The following POLA1 variants were observed in gnomAD, a reference collection of about 807,000 sequenced individuals.
POLA1 encodes DNA polymerase alpha 1, catalytic subunit.
A neutral mutation model predicts 124.0 loss-of-function variants in POLA1; 15 were observed. The observed-to-expected ratio is 0.12, with a 90% CI of 0.08 to 0.19. POLA1 has a LOEUF of 0.19. POLA1 is among the 10% of genes least tolerant of loss of function. The pLI, the probability that POLA1 is intolerant of heterozygous loss-of-function variation, is 1.00. For synonymous variants in POLA1, 408 were observed against 389.4 expected (o/e 1.05, Z -0.56); for missense variants, 886 against 1,103.4 (o/e 0.80, Z 2.79).
intron 35 of POLA1, among the ~76,000 whole-genome samples, chrX:24,904,231 C>T (rs866522749): frequency 7.2e-5 from 8 of 110,521 alleles, no homozygotes; most frequent in South Asian, 7.7e-4. Context: ...CCGTGCCTAG[C>T]GATGACCAGA....
At chrX:24,930,590 A>C in intron 36 of POLA1, 41 bp downstream of exon 36, 1 of 870,533 alleles carries the variant, frequency 1.1e-6, no homozygotes, top group Non-Finnish European at 1.7e-6. Flanking sequence ...TTTAAAGTGG[A>C]AATTTGCATT....
At chrX:24,848,879 G>A (rs957006088) in intron 34 of POLA1, among the ~76,000 whole-genome samples, 12 of 112,466 alleles carry the variant, frequency 1.1e-4, no homozygotes, top group Admixed American at 9.4e-4. Flanking sequence ...TCTCAACAGA[G>A]CTATCTTGTG....
At chrX:24,737,050 T>C (rs1401786272) in intron 18 of POLA1, among the ~76,000 whole-genome samples, 1 of 112,195 alleles carries the variant, frequency 8.9e-6, no homozygotes, top group Non-Finnish European at 1.9e-5. Flanking sequence ...CTATATAGTT[T>C]TGTTTCTTTG....
intron 34 of POLA1, among the ~76,000 whole-genome samples, chrX:24,869,787 C>G (rs2046841813): frequency 9.0e-6 from 1 of 110,618 alleles, no homozygotes; most frequent in Non-Finnish European, 1.9e-5. Context: ...AACTTTTTGT[C>G]CTCTTATATA....
Position 24,841,668 on chromosome X carries a change from A to G in POLA1, c.3753A>G (p.Gln1251=). The G allele has an allele frequency of 8.5e-7, 1 of 1,181,594 alleles. No homozygotes were observed. Among genetic ancestry groups the G allele is most frequent in the Non-Finnish European group, 1.1e-6 (1 of 878,036 alleles). The change falls in exon 33 of 37, where the codon CAA becomes CAG. Residue 1251 remains glutamine (Q), a synonymous_variant. Transcript: ENST00000379068. ...IATWLGLDPT[Q]FRVHHYHKDE... ...CATTAATAGGACTTGACCCCACCCA[A>G]TTTAGAGTTCATCATTATCATAAAG...
At chrX:24,744,957 AAAAAT>A (rs1328403544) in intron 23 of POLA1, among the ~76,000 whole-genome samples, 10 of 83,246 alleles carry the variant, frequency 1.2e-4, no homozygotes, top group African/African-American at 4.8e-4. Flanking sequence ...ACTCAAAAAA[AAAAAT>A]AAAAATAAAA....
chrX:24,844,777 G>T (rs1015176812), intron 34 of POLA1, among the ~76,000 whole-genome samples: 1 of 111,900 alleles, frequency 8.9e-6, no homozygotes, highest in African/African-American at 3.2e-5. Flanking sequence ...GAATAATCCT[G>T]TGCTGCCCTT....
In POLA1 at chrX:24,928,801, G is replaced by A. The variant is rs1463189420; in HGVS notation, c.4165-1652G>A. Among the ~76,000 whole-genome samples, 5 of 111,382 alleles carry A rather than the reference G, an allele frequency of 4.5e-5. No individual in the cohort carries two copies. The Admixed American group carries it at 4.8e-4, about 11-fold the overall frequency. On this transcript the variant is annotated intron_variant, in intron 35 of 36. Transcript: ENST00000379068. ...CCCCAGGAAGCAGTAATCAGGATTC[G>A]CTAAAAATAACTGGTGTATAATAGT...
intron 34 of POLA1, among the ~76,000 whole-genome samples, chrX:24,879,863 T>C (rs1473280831): frequency 8.9e-6 from 1 of 111,931 alleles, no homozygotes; most frequent in Non-Finnish European, 1.9e-5. Flanking sequence ...GAGACAGTTT[T>C]AACTGTTCTG....
intron 4 of POLA1, among the ~76,000 whole-genome samples, chrX:24,713,636 C>T (rs1326044710): frequency 1.8e-5 from 2 of 111,125 alleles, no homozygotes; most frequent in Admixed American, 9.6e-5. Context: ...AGGATGGTAT[C>T]GATTTCCTGA....
At chrX:24,966,266 A>C (rs1384093911) in intron 36 of POLA1, among the ~76,000 whole-genome samples, 1 of 111,244 alleles carries the variant, frequency 9.0e-6, no homozygotes, top group African/African-American at 3.3e-5. Flanking sequence ...AGTGCCACTT[A>C]ATGGCAAGTC....
chrX:24,828,849 A>AG (rs1290630195), intron 32 of POLA1, among the ~76,000 whole-genome samples: 1 of 111,811 alleles, frequency 8.9e-6, no homozygotes, highest in East Asian at 2.8e-4. Flanking sequence ...GGATGTGTCA[A>AG]GGCCAGACAT....
rs2048467023 is a variant in POLA1, at chrX:24,985,066, G to A, written c.4262-10739G>A. On this transcript the variant is annotated intron_variant, in intron 36 of 36. Coordinates refer to ENST00000379068, the MANE Select transcript of POLA1 (RefSeq NM_001330360.2). ...AAAGAGCATGAATTAAATTTGTGGCGTTGTGAAAAGCCTCTTTGGTCCGGT... is the reference window on the plus strand; with the variant it reads ...AAAGAGCATGAATTAAATTTGTGGCATTGTGAAAAGCCTCTTTGGTCCGGT... Among the ~76,000 whole-genome samples the A allele has an allele frequency of 2.7e-5, 3 of 111,948 alleles. No individual in the cohort carries two copies. In the Admixed American group the frequency reaches 2.8e-4, roughly 11 times the overall value.
intron 12 of POLA1, among the ~76,000 whole-genome samples, chrX:24,725,283 C>T (rs1462701719): frequency 3.8e-5 from 4 of 105,010 alleles, no homozygotes; most frequent in Non-Finnish European, 7.8e-5. Context: ...CAACCTCCAC[C>T]TCCTGGGTTT....
intron 18 of POLA1, among the ~76,000 whole-genome samples, chrX:24,736,874 G>A (rs1320523559): frequency 9.0e-6 from 1 of 111,701 alleles, no homozygotes; most frequent in East Asian, 2.8e-4. Flanking sequence ...ACTACTCTAA[G>A]TAGTGGTATA....
intron 1 of POLA1, among the ~76,000 whole-genome samples, chrX:24,694,946 C>G (rs933436213): frequency 8.9e-6 from 1 of 111,970 alleles, no homozygotes; most frequent in Non-Finnish European, 1.9e-5. Flanking sequence ...GTCGACCTGC[C>G]TGGATTACAG....
In POLA1 at chrX:24,883,596, T is replaced by G. The variant is rs999679520; in HGVS notation, c.4048-4410T>G. ...TTCATACACAATGATTTTAAGGAAT[T>G]AGTGATGCTGAGATTAAAGCAACAA... On this transcript the variant is annotated intron_variant, in intron 34 of 36. Coordinates refer to ENST00000379068, the MANE Select transcript of POLA1 (RefSeq NM_001330360.2). 5.3e-5 allele frequency among the ~76,000 whole-genome samples: 6 copies of G among 112,178 alleles called. No individual in the cohort carries two copies. In the Admixed American group the frequency reaches 5.7e-4, roughly 11 times the overall value.
intron 11 of POLA1, among the ~76,000 whole-genome samples, chrX:24,723,883 G>A (rs1930363491): frequency 8.9e-6 from 1 of 112,467 alleles, no homozygotes; most frequent in East Asian, 2.8e-4. Flanking sequence ...GTTTCACCAT[G>A]TTGATCAGGC....
intron 18 of POLA1, among the ~76,000 whole-genome samples, chrX:24,736,153 A>G (rs190480955): frequency 1.6e-4 from 18 of 111,759 alleles, no homozygotes; most frequent in Admixed American, 1.5e-3. Flanking sequence ...AATGTAGGCT[A>G]TAAATGCCTA....
Sources: gnomAD v4.1 joint callset for allele counts (sites outside exome capture counted in the v4.1 genomes callset) on GRCh38, gnomAD v4.1.1 for gene constraint, MANE v1.5 for transcripts, NCBI Gene and HGNC (gene_info 2026-07-23, HGNC 2026-07-21) for gene names.